The following CEP164 variants were observed in gnomAD, a reference collection of about 807,000 sequenced individuals.
CEP164 encodes the protein centrosomal protein of 164 kDa.
CEP164 carries 162 observed loss-of-function variants against 182.7 expected under a neutral mutation model. That is an observed-to-expected ratio of 0.89 (90% CI 0.78 to 1.01). The LOEUF (loss-of-function observed/expected upper bound fraction) is 1.01. Ranked by LOEUF, CEP164 falls within the 50% of genes least tolerant of loss-of-function variation. The probability of loss-of-function intolerance (pLI) is 0.00; values close to 1 mark genes in which losing one functional copy is unlikely to be tolerated. For synonymous variants in CEP164, 661 were observed against 690.0 expected (o/e 0.96, Z 0.66); for missense variants, 1,735 against 1,790.4 (o/e 0.97, Z 0.56).
intron 24 of CEP164, 152 bp downstream of exon 24, chr11:117,395,874 T>C: frequency 8.2e-7 from 1 of 1,221,074 alleles, no homozygotes; most frequent in Non-Finnish European, 1.1e-6. Flanking sequence ...TTGTAGGGAG[T>C]TGGGGTTGTT....
intron 20 of CEP164, among the ~76,000 whole-genome samples, chr11:117,393,916 C>T (rs1445051160): frequency 6.6e-6 from 1 of 152,186 alleles, no homozygotes; most frequent in African/African-American, 2.4e-5. Flanking sequence ...GACTACTGCT[C>T]CAGTAACTGG....
At chr11:117,344,665 G>A (rs2038632124) in intron 4 of CEP164, among the ~76,000 whole-genome samples, 1 of 152,178 alleles carries the variant, frequency 6.6e-6, no homozygotes, top group Non-Finnish European at 1.5e-5. Flanking sequence ...GGTGGCCCAC[G>A]CCTGTAATCC....
chr11:117,330,791 A>G (rs2036083279), intron 1 of CEP164, among the ~76,000 whole-genome samples: 1 of 152,254 alleles, frequency 6.6e-6, no homozygotes, highest in Non-Finnish European at 1.5e-5. Flanking sequence ...TGTAATGTCT[A>G]ACATTTATTG....
chr11:117,397,942 T>G (rs2045688871), intron 27 of CEP164, among the ~76,000 whole-genome samples: 1 of 152,130 alleles, frequency 6.6e-6, no homozygotes, highest in Non-Finnish European at 1.5e-5. Context: ...CCAACAGTCC[T>G]CAAAGTCTTA....
In CEP164 at chr11:117,390,814, G is replaced by C; in HGVS notation, c.1972G>C (p.Glu658Gln). 1 of 1,613,866 alleles carries C rather than the reference G, an allele frequency of 6.2e-7. No homozygotes were observed. Among genetic ancestry groups the C allele is most frequent in the Non-Finnish European group, 8.5e-7 (1 of 1,179,998 alleles). ...RERLQKAIEE[E>Q]EARMREEESQ... The stretch of plus-strand genomic sequence containing the variant: ...GCGGCTGCAGAAAGCCATTGAGGAG[G>C]AGGAGGCCCGGATGAGAGAGGAGGA... The change falls in exon 16 of 33, where the codon GAG (glutamate) becomes CAG (glutamine). Residue 658 changes from glutamate to glutamine, a missense_variant. Transcript: ENST00000278935.
chr11:117,330,888 T>G (rs980170392), intron 1 of CEP164, among the ~76,000 whole-genome samples: 6 of 152,342 alleles, frequency 3.9e-5, no homozygotes, highest in Non-Finnish European at 7.3e-5. Context: ...AGTACTCTCA[T>G]TTTATAGATG....
intron 2 of CEP164, among the ~76,000 whole-genome samples, chr11:117,336,949 G>T (rs7932967): frequency 0.27 from 41,060 of 151,808 alleles, 5,709 homozygotes; most frequent in Middle Eastern, 0.33. Flanking sequence ...GCCATGGGGA[G>T]AGTTGGTGGG....
At chr11:117,399,212 T>A (rs536803414) in intron 27 of CEP164, among the ~76,000 whole-genome samples, 2 of 152,268 alleles carry the variant, frequency 1.3e-5, no homozygotes, top group South Asian at 2.1e-4. Context: ...CAACTCCCAC[T>A]TATGAGTGAG....
chr11:117,344,974 T>C (rs368600332), intron 4 of CEP164, among the ~76,000 whole-genome samples: 324 of 151,862 alleles, frequency 2.1e-3, no homozygotes, highest in African/African-American at 7.4e-3. Flanking sequence ...CTTAAAAAGA[T>C]AAAATAAAAT....
At chr11:117,340,987 C>T (rs538347566) in intron 3 of CEP164, among the ~76,000 whole-genome samples, 1 of 152,176 alleles carries the variant, frequency 6.6e-6, no homozygotes, top group East Asian at 1.9e-4. Context: ...CCACCACACC[C>T]AGCTAATTTT....
chr11:117,384,024 G>A (rs1278960008), intron 14 of CEP164, among the ~76,000 whole-genome samples: 4 of 152,152 alleles, frequency 2.6e-5, no homozygotes, highest in Non-Finnish European at 2.9e-5. Context: ...CAACAAGAGC[G>A]AAACTCTGTC....
intron 5 of CEP164, chr11:117,356,248 C>T (rs1488626528): frequency 1.8e-6 from 2 of 1,100,724 alleles, no homozygotes; most frequent in Non-Finnish European, 2.2e-6. Flanking sequence ...AGAGGTTCTA[C>T]CAGCACATCC....
chr11:117,356,714 T>G (rs1308698668), intron 5 of CEP164: 2 of 1,132,988 alleles, frequency 1.8e-6, no homozygotes, highest in Admixed American at 7.7e-5. Context: ...CCTGCATTCC[T>G]GTTACCCACC....
At chr11:117,345,538 A>G (rs917640045) in intron 4 of CEP164, among the ~76,000 whole-genome samples, 2 of 152,026 alleles carry the variant, frequency 1.3e-5, no homozygotes, top group African/African-American at 4.8e-5. Flanking sequence ...GTTTTGTGCA[A>G]TTTTGTAGAC....
At chr11:117,355,071 A>G (rs1322459201) in intron 5 of CEP164, 2 of 1,289,738 alleles carry the variant, frequency 1.6e-6, no homozygotes, top group East Asian at 5.5e-5. Flanking sequence ...AACAAAGGAA[A>G]GAGCCCAGGC....
At chr11:117,345,699 T>G (rs2038789342) in intron 4 of CEP164, among the ~76,000 whole-genome samples, 1 of 152,172 alleles carries the variant, frequency 6.6e-6, no homozygotes, top group African/African-American at 2.4e-5. Context: ...GATCTTTTTT[T>G]TTTTGAGATG....
rs1171995581 is a variant in CEP164, at chr11:117,338,768, A to T, written c.82+100A>T. On this transcript the variant is annotated intron_variant, in intron 3 of 32. Coordinates refer to ENST00000278935, the MANE Select transcript of CEP164 (RefSeq NM_014956.5). ...ATTCTTTCAGTGCAAAGTATGGTACATGTACAGAGTTGCTTAGTATATTCG... is the reference window on the plus strand; with the variant it reads ...ATTCTTTCAGTGCAAAGTATGGTACTTGTACAGAGTTGCTTAGTATATTCG... The T allele has an allele frequency of 3.2e-6, 3 of 946,510 alleles. No homozygotes were observed. In the African/African-American group the frequency reaches 4.8e-5, roughly 15 times the overall value. The allele number at this position is 946,510 out of a possible 1,614,324, so 58.6% of individuals were successfully genotyped here.
chr11:117,401,858 AT>A (rs1000578008), intron 27 of CEP164, among the ~76,000 whole-genome samples: 12 of 150,388 alleles, frequency 8.0e-5, no homozygotes, highest in African/African-American at 2.9e-4. Flanking sequence ...CTATTTGATT[AT>A]TTTTTCTTCT....
intron 27 of CEP164, among the ~76,000 whole-genome samples, chr11:117,398,348 T>C (rs1040181956): frequency 6.6e-6 from 1 of 152,198 alleles, no homozygotes; most frequent in African/African-American, 2.4e-5. Flanking sequence ...AGGCTGGCAT[T>C]GAGTATCTGC....
Sources: gnomAD v4.1 joint callset for allele counts (sites outside exome capture counted in the v4.1 genomes callset) on GRCh38, gnomAD v4.1.1 for gene constraint, MANE v1.5 for transcripts, NCBI Gene and HGNC (gene_info 2026-07-23, HGNC 2026-07-21) for gene names.